The following MACROD2 variants were observed in gnomAD, a reference collection of about 807,000 sequenced individuals.
MACROD2 encodes the protein ADP-ribose glycohydrolase MACROD2.
MACROD2 carries 36 observed loss-of-function variants against 70.4 expected under a neutral mutation model. The observed-to-expected ratio is 0.51, with a 90% CI of 0.39 to 0.68. The LOEUF is 0.68. MACROD2 is among the 30% of genes least tolerant of loss of function. The pLI, the probability that MACROD2 is intolerant of heterozygous loss-of-function variation, is 0.00. For synonymous variants in MACROD2, 172 were observed against 178.8 expected (o/e 0.96, Z 0.30); for missense variants, 496 against 538.4 (o/e 0.92, Z 0.78).
intron 3 of MACROD2, among the ~76,000 whole-genome samples, chr20:14,377,083 G>A (rs2083379156): frequency 6.6e-6 from 1 of 152,064 alleles, no homozygotes; most frequent in African/African-American, 2.4e-5. Context: ...GTCACTCCTA[G>A]CCTTTTCTGG....
At chr20:15,283,656 G>A (rs2077466125) in intron 6 of MACROD2, among the ~76,000 whole-genome samples, 1 of 151,806 alleles carries the variant, frequency 6.6e-6, no homozygotes. Flanking sequence ...TGGGCAACAA[G>A]AGTGAAACTC....
chr20:15,080,365 TGATCAGTATATG>T (rs2123132187), intron 5 of MACROD2, among the ~76,000 whole-genome samples: 1 of 152,310 alleles, frequency 6.6e-6, no homozygotes, highest in African/African-American at 2.4e-5. Context: ...GTCAGTTTCC[TGATCAGTATATG>T]TATCTTAATA....
chr20:15,399,283 C>G (rs548721557), intron 6 of MACROD2, among the ~76,000 whole-genome samples: 1 of 152,270 alleles, frequency 6.6e-6, no homozygotes, highest in Admixed American at 6.5e-5. Context: ...CAACAGCCAC[C>G]ATGGTTTTAT....
intron 8 of MACROD2, among the ~76,000 whole-genome samples, chr20:15,648,639 T>C (rs2049590079): frequency 6.6e-6 from 1 of 152,220 alleles, no homozygotes; most frequent in Non-Finnish European, 1.5e-5. Flanking sequence ...GCGACAGTGT[T>C]TGACACATAA....
At chr20:15,515,882 G>A (rs2047560091) in intron 8 of MACROD2, among the ~76,000 whole-genome samples, 1 of 152,192 alleles carries the variant, frequency 6.6e-6, no homozygotes, top group Admixed American at 6.5e-5. Context: ...ATCTTGGACA[G>A]ATGGCAGTGT....
chr20:14,232,083 C>T (rs918303704), intron 3 of MACROD2, among the ~76,000 whole-genome samples: 6 of 152,130 alleles, frequency 3.9e-5, no homozygotes, highest in African/African-American at 1.2e-4. Context: ...TTCTCCCATT[C>T]TATAGGTTGC....
chr20:15,555,448 G>A (rs2048153711), intron 8 of MACROD2, among the ~76,000 whole-genome samples: 1 of 152,078 alleles, frequency 6.6e-6, no homozygotes, highest in Admixed American at 6.6e-5. Context: ...GCATGATCTA[G>A]CATTTTCCAG....
chr20:14,914,109 C>T (rs919122217), intron 5 of MACROD2, among the ~76,000 whole-genome samples: 2 of 152,164 alleles, frequency 1.3e-5, no homozygotes, highest in South Asian at 2.1e-4. Flanking sequence ...AGCTCTGAAG[C>T]GCTTACTCTT....
chr20:14,764,834 A>G (rs1473301883), intron 5 of MACROD2, among the ~76,000 whole-genome samples: 1 of 151,984 alleles, frequency 6.6e-6, no homozygotes, highest in African/African-American at 2.4e-5. Context: ...TGTATTTTTG[A>G]TATTTATTTT....
intron 6 of MACROD2, among the ~76,000 whole-genome samples, chr20:15,318,322 T>C (rs2077836785): frequency 6.6e-6 from 1 of 152,134 alleles, no homozygotes; most frequent in Non-Finnish European, 1.5e-5. Context: ...AACAAGAAAT[T>C]ATATCAGTAA....
chr20:15,110,699 A>C (rs2075947638), intron 5 of MACROD2, among the ~76,000 whole-genome samples: 1 of 152,204 alleles, frequency 6.6e-6, no homozygotes, highest in Non-Finnish European at 1.5e-5. Context: ...ACATGTGGCC[A>C]GATTCTCCTT....
At chr20:14,009,481 C>T (rs6042477) in intron 2 of MACROD2, among the ~76,000 whole-genome samples, 1,822 of 152,098 alleles carry the variant, frequency 0.012, 33 homozygotes, top group African/African-American at 0.041. Flanking sequence ...CAGATGCTGG[C>T]GAGGTTATAG....
chr20:14,919,268 ATGT>A (rs2074131678), intron 5 of MACROD2, among the ~76,000 whole-genome samples: 1 of 152,144 alleles, frequency 6.6e-6, no homozygotes, highest in South Asian at 2.1e-4. Flanking sequence ...TCTCTCCTCC[ATGT>A]TGTTGTAAAT....
chr20:15,532,051 A>G (rs912696368), intron 8 of MACROD2, among the ~76,000 whole-genome samples: 2 of 152,136 alleles, frequency 1.3e-5, no homozygotes, highest in Admixed American at 1.3e-4. Context: ...GAGTGAATTT[A>G]GTTCTGCATG....
intron 4 of MACROD2, among the ~76,000 whole-genome samples, chr20:14,507,781 T>C (rs577443721): frequency 1.8e-4 from 27 of 152,292 alleles, no homozygotes; most frequent in Non-Finnish European, 3.1e-4. Context: ...ATGTCCGTGA[T>C]ACAGTTTGCT....
intron 8 of MACROD2, among the ~76,000 whole-genome samples, chr20:15,796,901 A>G (rs1230664846): frequency 6.6e-6 from 1 of 152,192 alleles, no homozygotes; most frequent in Non-Finnish European, 1.5e-5. Flanking sequence ...AGAATAACAT[A>G]TATATTTGAA....
At chr20:14,488,803 G>A (rs79502293) in intron 3 of MACROD2, among the ~76,000 whole-genome samples, 1,817 of 152,218 alleles carry the variant, frequency 0.012, 41 homozygotes, top group African/African-American at 0.041. Flanking sequence ...TTGTTTATTT[G>A]TTTAGCTTTT....
intron 15 of MACROD2, among the ~76,000 whole-genome samples, chr20:16,024,498 C>CACACACACACACACAG (rs112962905): frequency 1.2e-5 from 1 of 83,424 alleles, no homozygotes; most frequent in South Asian, 5.0e-4. Flanking sequence ...CAGCCATGTT[C>CACACACACACACACAG]ACACACACAC....
chr20:15,867,903 C>T (rs559108477), intron 9 of MACROD2, among the ~76,000 whole-genome samples: 9 of 152,222 alleles, frequency 5.9e-5, no homozygotes, highest in Middle Eastern at 3.4e-3. Context: ...CAACTACGAG[C>T]GATTTTGCCC....
Sources: gnomAD v4.1 joint callset for allele counts (sites outside exome capture counted in the v4.1 genomes callset) on GRCh38, gnomAD v4.1.1 for gene constraint, MANE v1.5 for transcripts, NCBI Gene and HGNC (gene_info 2026-07-23, HGNC 2026-07-21) for gene names.